Variants in ADCY7 observed in about 807,000 individuals in gnomAD.
ADCY7 encodes the protein adenylate cyclase type 7.
Under a neutral mutation model 120.6 loss-of-function variants are expected in ADCY7, and 72 were observed. The observed-to-expected ratio is 0.60, with a 90% CI of 0.49 to 0.73. The LOEUF (loss-of-function observed/expected upper bound fraction) is 0.73. Among genes scored for constraint, ADCY7 ranks in the 30% least tolerant of loss-of-function variants. The probability of loss-of-function intolerance (pLI) is 0.00; values close to 1 mark genes in which losing one functional copy is unlikely to be tolerated. For synonymous variants in ADCY7, 661 were observed against 628.0 expected, an observed-to-expected ratio of 1.05 and a Z score of -0.78; for missense variants, 1,227 against 1,486.0, an observed-to-expected ratio of 0.83 and a Z score of 2.87.
chr16:50,283,602 C>T (rs971449725), intron 1 of ADCY7, among the ~76,000 whole-genome samples: 10 of 152,246 alleles, frequency 6.6e-5, no homozygotes, highest in Non-Finnish European at 1.5e-4. Context: ...GAAATACCCT[C>T]CTCCCATGTG....
chr16:50,295,891 C>T (rs1355732034), intron 7 of ADCY7, among the ~76,000 whole-genome samples: 4 of 152,102 alleles, frequency 2.6e-5, no homozygotes, highest in African/African-American at 9.7e-5. Flanking sequence ...AGCACCTAGC[C>T]CAGCCTCAGG....
intron 22 of ADCY7, 38 bp downstream of exon 22, chr16:50,313,074 C>T (rs1322754752): frequency 1.9e-6 from 3 of 1,611,550 alleles, no homozygotes; most frequent in Non-Finnish European, 2.5e-6. Flanking sequence ...GCAGCCCCCA[C>T]CCATGCTGGA....
At chr16:50,283,939 G>T (rs1315154755) in intron 1 of ADCY7, among the ~76,000 whole-genome samples, 1 of 152,212 alleles carries the variant, frequency 6.6e-6, no homozygotes, top group Non-Finnish European at 1.5e-5. Context: ...CTAACAGCAG[G>T]GTCATTCAAT....
At position 50,315,455 on chromosome 16, in the gene ADCY7, T is replaced by TAA; in HGVS notation, c.3194_3195insAA (p.Tyr1065Ter). 6.2e-7 allele frequency: 1 copy of TAA among 1,614,172 alleles called. No individual in the cohort carries two copies. Among genetic ancestry groups the TAA allele is most frequent in the Non-Finnish European group, 8.5e-7 (1 of 1,179,990 alleles). Reference protein sequence around the residue: ...NVKGKGELRTYFVCTDTAKFQ... With the variant: ...NVKGKGELRT The stretch of plus-strand genomic sequence containing the variant: ...CAAAGGCAAAGGCGAGCTGAGGACT[T>TAA]ACTTTGTCTGTACGGACACTGCCAA... The change falls in exon 26 of 26, where the codon TAC becomes TAAAC. Residue 1065 changes from tyrosine to a stop codon, truncating the protein, a stop_gained and frameshift_variant. Transcript: ENST00000673801. LOFTEE classifies it high-confidence loss of function.
chr16:50,261,653 G>T (rs2033061202), upstream of ADCY7, among the ~76,000 whole-genome samples: 1 of 150,912 alleles, frequency 6.6e-6, no homozygotes, highest in African/African-American at 2.4e-5. Context: ...GCTCCCAGCA[G>T]AGTGGGCCAC....
intron 7 of ADCY7, among the ~76,000 whole-genome samples, chr16:50,295,043 G>T (rs948903717): frequency 6.6e-6 from 1 of 152,206 alleles, no homozygotes; most frequent in Non-Finnish European, 1.5e-5. Context: ...GGAGGAGATG[G>T]CTCCATCCTC....
intron 10 of ADCY7, among the ~76,000 whole-genome samples, chr16:50,303,987 G>C (rs772571150): frequency 1.3e-5 from 2 of 152,116 alleles, no homozygotes; most frequent in Non-Finnish European, 2.9e-5. Flanking sequence ...CTGGTTCCAA[G>C]GAGCCTCAAG....
rs766262421 is a variant in ADCY7, at chr16:50,311,833, C to T, written c.2448+47C>T. On this transcript the variant is annotated intron_variant, in intron 20 of 25. Transcript: ENST00000673801. ...CCCCCCCCAAGCTCTGCCCACTTTT[C>T]CTCACCTCCATCTGGAGATGGGGTG... The T allele has an allele frequency of 3.7e-5, 49 of 1,332,114 alleles. No individual in the cohort carries two copies. In the African/African-American group the frequency reaches 7.1e-4, roughly 19 times the overall value. 82.5% of individuals were successfully genotyped at this position (1,332,114 alleles called of 1,614,324 possible).
At chr16:50,315,173 G>GA in intron 25 of ADCY7, 35 bp downstream of exon 25, 1 of 1,611,568 alleles carries the variant, frequency 6.2e-7, no homozygotes, top group Non-Finnish European at 8.5e-7. Flanking sequence ...TGACTAAGGG[G>GA]AAAAGATCTT....
At chr16:50,302,474 A>C (rs1475067875) in intron 10 of ADCY7, among the ~76,000 whole-genome samples, 1 of 152,192 alleles carries the variant, frequency 6.6e-6, no homozygotes, top group Non-Finnish European at 1.5e-5. Context: ...CTTGAATTTC[A>C]GATAACTGTA....
intron 23 of ADCY7, 83 bp downstream of exon 23, chr16:50,314,145 A>T (rs561329832): frequency 2.3e-5 from 34 of 1,457,418 alleles, no homozygotes; most frequent in Admixed American, 1.9e-4. Flanking sequence ...GTGTGCCCTT[A>T]TCTCGTCCTG....
chr16:50,252,173 T>C (rs1335326638), intron 1 of ADCY7, among the ~76,000 whole-genome samples: 3 of 152,172 alleles, frequency 2.0e-5, no homozygotes, highest in African/African-American at 7.2e-5. Flanking sequence ...GGCAGTCCTT[T>C]CTCTGTGCCG....
Position 50,254,279 on chromosome 16 carries a change from C to T in ADCY7, c.-64+8076C>T, listed in dbSNP as rs62028301. On this transcript the variant is annotated intron_variant, in intron 1 of 4. Coordinates refer to the ADCY7 transcript ENST00000564044. ...GCCTCCGCTTCCGCAGGCTCCAGCCCATGGCCTCTGGGAGCTGCCTCTCCT... is the reference window on the plus strand; with the variant it reads ...GCCTCCGCTTCCGCAGGCTCCAGCCTATGGCCTCTGGGAGCTGCCTCTCCT... Among the ~76,000 whole-genome samples the T allele has an allele frequency of 5.8e-3, 890 of 152,338 alleles. 5 individuals carry two copies. Among genetic ancestry groups the T allele is most frequent in the Middle Eastern group, 0.017 (5 of 294 alleles).
rs572991025 is a variant in ADCY7, at chr16:50,299,079, C to T, written c.1076+48C>T. 5.8e-6 allele frequency: 9 copies of T among 1,548,124 alleles called. No individual in the cohort carries two copies. The East Asian group carries it at 9.1e-5, about 16-fold the overall frequency. On this transcript the variant is annotated intron_variant, in intron 8 of 25. Transcript: ENST00000673801. ...CCCTGGGTCCTGCCCTGTGGCGGAC[C>T]CTCCTGGGCATGGTAGGGGATGTGT...
chr16:50,312,815 G>A (rs953652341), intron 21 of ADCY7, 75 bp from the exon 22 acceptor site: 14 of 1,468,788 alleles, frequency 9.5e-6, no homozygotes, highest in Middle Eastern at 4.5e-4. Flanking sequence ...AGTGCCATCT[G>A]CTCCTGAGGC....
chr16:50,313,076 C>T, intron 22 of ADCY7, 40 bp downstream of exon 22: 1 of 1,610,162 alleles, frequency 6.2e-7, no homozygotes, highest in South Asian at 1.1e-5. Flanking sequence ...AGCCCCCACC[C>T]ATGCTGGAGA....
chr16:50,301,203 A>G lies in ADCY7; in HGVS notation c.1357A>G (p.Ile453Val), dbSNP rs1210137165. Residue 453 changes from isoleucine (I) to valine (V), a missense_variant, in exon 10 of 26, where the codon ATC (isoleucine) becomes GTC (valine). Ile to Val is a conservative substitution (Grantham distance 29, BLOSUM62 3). Around this residue, in one of 5 missense-constraint regions of ADCY7, gnomAD observed 332 missense variants for 455.8 expected, o/e 0.73. Transcript: ENST00000673801. ...KEMNIRTYLV[I>V]DPRSQQPPPP... ...GATGAACATCCGCACCTACCTGGTC[A>G]TCGACCCCCGGGTACGAGGGCTCAG... The G allele has an allele frequency of 1.3e-6, 2 of 1,597,794 alleles. No homozygotes were observed. The highest frequency in any genetic ancestry group is 1.1e-5 in the South Asian group (1 of 88,862).
In ADCY7 at chr16:50,297,160, C is replaced by A. The variant is rs1236207541; in HGVS notation, c.949-1744C>A. On this transcript the variant is annotated intron_variant, in intron 7 of 25. Coordinates refer to ENST00000673801, the MANE Select transcript of ADCY7 (RefSeq NM_001114.5). This position sits in a 1 kb window ranked among gnomAD's most constrained non-coding sequence, Gnocchi z 4.4. ...GCAGGTGCCAGCTTCCCAGTCAGAG[C>A]ATCTAATCTCTGGGCAGAGTTGGGC... Among the ~76,000 whole-genome samples, 1 of 152,238 alleles carries A rather than the reference C, an allele frequency of 6.6e-6. No homozygotes were observed. The highest frequency in any genetic ancestry group is 2.4e-5 in the African/African-American group (1 of 41,460).
chr16:50,268,433 C>T (rs2033353060), intron 1 of ADCY7, among the ~76,000 whole-genome samples: 1 of 151,942 alleles, frequency 6.6e-6, no homozygotes, highest in Non-Finnish European at 1.5e-5. Context: ...CAGGATCTCA[C>T]TCTGTCACCC....
Sources: allele counts gnomAD v4.1 joint callset (sites outside exome capture counted in the v4.1 genomes callset), GRCh38; gene constraint gnomAD v4.1.1; regional missense constraint gnomAD v4.1.1; non-coding constraint Gnocchi (gnomAD v3.1); transcripts MANE v1.5; gene names NCBI Gene and HGNC (gene_info 2026-07-23, HGNC 2026-07-21).